PARP11: variants seen among roughly 807,000 people sequenced by gnomAD.
The protein encoded by PARP11 is poly(ADP-ribose) polymerase family member 11.
Under a neutral mutation model 42.9 loss-of-function variants are expected in PARP11, and 31 were observed. The observed-to-expected ratio is 0.72, with a 90% confidence interval of 0.54 to 0.98. The LOEUF is 0.98. Among genes scored for constraint, PARP11 ranks in the 50% least tolerant of loss-of-function variants. The pLI, the probability that PARP11 is intolerant of heterozygous loss-of-function variation, is 0.00. For synonymous variants in PARP11, 137 were observed against 127.3 expected (o/e 1.08, Z -0.51); for missense variants, 365 against 413.1 (o/e 0.88, Z 1.01).
rs185945840 is a variant in PARP11, at chr12:3,836,340, A to C, written c.19-6322T>G. ...ATACATAAAGTAAAAAACAAACAAA[A>C]AAAAAGCGCCTATCAACCAAGAATC... On this transcript the variant is annotated intron_variant, in intron 1 of 7. Transcript: ENST00000228820. 1.0e-3 allele frequency among the ~76,000 whole-genome samples: 158 copies of C among 152,152 alleles called. 2 individuals carry two copies. The highest frequency in any genetic ancestry group is 1.4e-3 in the Non-Finnish European group (96 of 68,010).
Position 3,814,174 on chromosome 12 carries a change from A to C in PARP11, c.563T>G (p.Leu188Arg). ...WEFFCRKKAQLKKKRGVPQIN... is the reference protein window; with the variant it reads ...WEFFCRKKAQRKKKRGVPQIN... ...CTGAGGCACACCTCTTTTTTTCTTG[A>C]GCTGAGCCTTTTTCCTAAAAACACA... The change falls in exon 7 of 8, where the codon CTC becomes CGC. Residue 188 changes from leucine (L) to arginine (R), a missense_variant. By Grantham distance (102) the Leu-to-Arg change is moderately radical (BLOSUM62 -2). Transcript: ENST00000228820. 6.2e-7 allele frequency: 1 copy of C among 1,601,428 alleles called. No homozygotes were observed. Among genetic ancestry groups the C allele is most frequent in the Non-Finnish European group, 8.5e-7 (1 of 1,171,976 alleles).
At chr12:3,865,385 T>C (rs971273025) in intron 1 of PARP11, among the ~76,000 whole-genome samples, 3 of 152,166 alleles carry the variant, frequency 2.0e-5, no homozygotes, top group African/African-American at 7.2e-5. Flanking sequence ...TAGTTGACAG[T>C]GGTGTTCAAG....
intron 1 of PARP11, chr12:3,872,597 C>T (rs1211829474): frequency 1.0e-6 from 1 of 985,150 alleles, no homozygotes; most frequent in Admixed American, 6.1e-5. Context: ...TAAGAACATA[C>T]AGTCCATACT....
At chr12:3,873,127 G>C (rs1344536047) in intron 1 of PARP11, 85 bp downstream of exon 1, 6 of 1,258,832 alleles carry the variant, frequency 4.8e-6, no homozygotes, top group Non-Finnish European at 6.8e-6. Context: ...AAGCGAGCGC[G>C]GGGAAGCAGT....
intron 6 of PARP11, among the ~76,000 whole-genome samples, chr12:3,820,140 A>G (rs776437496): frequency 6.6e-6 from 1 of 152,322 alleles, no homozygotes; most frequent in Admixed American, 6.5e-5. Flanking sequence ...TCTCCAAGCT[A>G]TGGTTCTCTG....
chr12:3,830,110 T>A (rs1947605792), intron 1 of PARP11, 92 bp from the exon 2 acceptor site: 1 of 1,156,670 alleles, frequency 8.6e-7, no homozygotes. Context: ...CAAAGAGTGG[T>A]ATTCAAGTGT....
chr12:3,846,756 TAAA>T (rs760915174), intron 1 of PARP11, among the ~76,000 whole-genome samples: 12 of 101,008 alleles, frequency 1.2e-4, no homozygotes, highest in African/African-American at 3.8e-4. Flanking sequence ...GACTCCGTCT[TAAA>T]AAAAAAAAAA....
chr12:3,843,755 T>A (rs1947940247), intron 1 of PARP11, among the ~76,000 whole-genome samples: 1 of 152,254 alleles, frequency 6.6e-6, no homozygotes, highest in Admixed American at 6.5e-5. Context: ...TAACACAGTA[T>A]TCATTCATCT....
intron 1 of PARP11, among the ~76,000 whole-genome samples, chr12:3,834,824 C>T (rs1231423521): frequency 1.3e-5 from 2 of 151,956 alleles, no homozygotes; most frequent in African/African-American, 4.8e-5. Flanking sequence ...AAACACTAGG[C>T]TGTGTACACC....
intron 1 of PARP11, chr12:3,842,206 C>G: frequency 6.2e-7 from 1 of 1,607,256 alleles, no homozygotes; most frequent in Non-Finnish European, 8.5e-7. Context: ...GGGGCCAACT[C>G]TGTGGATAGC....
intron 1 of PARP11, chr12:3,841,952 G>A (rs1280926938): frequency 1.2e-6 from 2 of 1,609,042 alleles, no homozygotes; most frequent in Non-Finnish European, 1.7e-6. Flanking sequence ...CCTGAAGCAA[G>A]TGTGAGCAGT....
chr12:3,852,715 A>G (rs1336948125), intron 1 of PARP11, among the ~76,000 whole-genome samples: 1 of 152,230 alleles, frequency 6.6e-6, no homozygotes, highest in African/African-American at 2.4e-5. Flanking sequence ...TCTTCAGGAT[A>G]TTATCCAGGA....
chr12:3,871,830 TAA>T (rs1225065624), intron 1 of PARP11: 3 of 152,170 alleles, frequency 2.0e-5, no homozygotes, highest in Non-Finnish European at 4.4e-5. Flanking sequence ...TACTTTGAAC[TAA>T]AAGAGATTGG....
At position 3,840,015 on chromosome 12, in the gene PARP11, T is replaced by A; in HGVS notation, c.19-9997A>T. ...AGCAGCTGAAGAACAATGGGAACTC[T>A]ACTAGCCTGCCTTTGGCTAGAAAGG... On this transcript the variant is annotated intron_variant, in intron 1 of 7. Transcript: ENST00000228820. The surrounding 1 kb of genome is among the most constrained non-coding windows in gnomAD (Gnocchi z 4.4). The A allele has an allele frequency of 1.9e-6, 3 of 1,602,328 alleles. No individual in the cohort carries two copies. The highest frequency in any genetic ancestry group is 2.6e-6 in the Non-Finnish European group (3 of 1,169,226).
chr12:3,828,832 T>C, intron 3 of PARP11, 78 bp downstream of exon 3: 2 of 1,292,078 alleles, frequency 1.5e-6, no homozygotes, highest in Non-Finnish European at 2.2e-6. Flanking sequence ...ATATATCAAC[T>C]AATCCTGACC....
Position 3,811,580 on chromosome 12 carries a change from T to G in PARP11, c.*543A>C, listed in dbSNP as rs1273177034. 6.6e-6 allele frequency: 1 copy of G among 152,304 alleles called. No homozygotes were observed. Among genetic ancestry groups the G allele is most frequent in the African/African-American group, 2.4e-5 (1 of 41,462 alleles). 9.4% of individuals were successfully genotyped at this position (152,304 alleles called of 1,614,324 possible). A position where few individuals can be genotyped will look rare whatever the true frequency, so the allele number is the denominator to read the frequency against. The stretch of plus-strand genomic sequence containing the variant: ...CTTGTTTGACAGCACTGCAAATAAT[T>G]GTCTTGTTTCTGATTTCTCTCAAGG... On this transcript the variant is annotated 3_prime_UTR_variant, in exon 8 of 8. Coordinates refer to ENST00000228820, the MANE Select transcript of PARP11 (RefSeq NM_020367.6).
rs1947896780 is a variant in PARP11, at chr12:3,841,938, T to C, written c.19-11920A>G. Reference sequence around the variant, plus strand: ...CAGCCAGGAGTGAACATGTACATTCTCTCCCTGAAGCAAGTGTGAGCAGTA... The same window carrying C: ...CAGCCAGGAGTGAACATGTACATTCCCTCCCTGAAGCAAGTGTGAGCAGTA... On this transcript the variant is annotated intron_variant, in intron 1 of 7. Coordinates refer to ENST00000228820, the MANE Select transcript of PARP11 (RefSeq NM_020367.6). The C allele has an allele frequency of 1.9e-6, 3 of 1,605,556 alleles. No homozygotes were observed. In the African/African-American group the frequency reaches 4.0e-5, roughly 21 times the overall value.
chr12:3,826,404 G>A (rs1027392112), intron 3 of PARP11, among the ~76,000 whole-genome samples, 171 bp from the exon 4 acceptor site: 8 of 152,216 alleles, frequency 5.3e-5, no homozygotes, highest in African/African-American at 1.7e-4. Context: ...TATGTACCAC[G>A]TTGTGGAGGT....
chr12:3,835,280 T>G (rs1947735501), intron 1 of PARP11, among the ~76,000 whole-genome samples: 1 of 152,112 alleles, frequency 6.6e-6, no homozygotes, highest in South Asian at 2.1e-4. Context: ...ACATAAGTAG[T>G]CAGGTTAAGA....
Sources: gnomAD v4.1 joint callset for allele counts (sites outside exome capture counted in the v4.1 genomes callset) on GRCh38, gnomAD v4.1.1 for gene constraint, Gnocchi (gnomAD v3.1) non-coding constraint, MANE v1.5 for transcripts, NCBI Gene and HGNC (gene_info 2026-07-23, HGNC 2026-07-21) for gene names.